Variants in METTL24 observed in about 807,000 individuals in gnomAD.
METTL24 encodes the protein methyltransferase like 24.
METTL24 carries 29 observed loss-of-function variants against 32.7 expected under a neutral mutation model. That is an observed-to-expected ratio of 0.89 (90% CI 0.66 to 1.21). METTL24 has a LOEUF of 1.21. Ranked by LOEUF, METTL24 falls within the 50% of genes most tolerant of loss-of-function variation. METTL24 has a pLI of 0.00. For missense variants in METTL24, 439 were observed against 468.1 expected (o/e 0.94, Z 0.57); for synonymous variants, 163 against 179.5 (o/e 0.91, Z 0.73).
intron 1 of METTL24, among the ~76,000 whole-genome samples, chr6:110,341,011 A>G (rs1168101793): frequency 6.7e-6 from 1 of 148,480 alleles, no homozygotes; most frequent in East Asian, 2.3e-4. Context: ...TTATTATTAA[A>G]ACTTTTTTTT....
chr6:110,292,465 G>A (rs146869716), intron 4 of METTL24, among the ~76,000 whole-genome samples: 1 of 151,426 alleles, frequency 6.6e-6, no homozygotes, highest in African/African-American at 2.4e-5. Context: ...CTCCTTTTCT[G>A]TGAACTGTTT....
At chr6:110,277,640 G>A (rs550576710) in intron 4 of METTL24, among the ~76,000 whole-genome samples, 1 of 152,240 alleles carries the variant, frequency 6.6e-6, no homozygotes, top group Non-Finnish European at 1.5e-5. Flanking sequence ...TCAGGAAAAC[G>A]TTATAGAAAT....
rs1778113739 is a variant in METTL24 at position 110,244,571 on chromosome 6, A to G, written c.*1375T>C. Among the ~76,000 whole-genome samples, 1 of 152,182 alleles carries G rather than the reference A, an allele frequency of 6.6e-6. No homozygotes were observed. The highest frequency in any genetic ancestry group is 2.4e-5 in the African/African-American group (1 of 41,454). On this transcript the variant is annotated 3_prime_UTR_variant, in exon 5 of 5. Transcript: ENST00000338882. ...TAGCATGGCTGGCGAGGCCTCAGGAAACTTACAGTCGTGGTGGAAGGGGAA... is the reference window on the plus strand; with the variant it reads ...TAGCATGGCTGGCGAGGCCTCAGGAGACTTACAGTCGTGGTGGAAGGGGAA...
At position 110,247,338 on chromosome 6, in the gene METTL24, CAG is replaced by C. The variant is rs139953023; in HGVS notation, c.787-1080_787-1079del. Among the ~76,000 whole-genome samples the C allele has an allele frequency of 7.6e-3, 1,159 of 152,280 alleles. 8 individuals are homozygous for C. The highest frequency in any genetic ancestry group is 0.027 in the African/African-American group (1,107 of 41,556). ...TAGAGAGGCAGTGATGAACTCTGAA[CAG>C]AGTCTGTCTACAGAGCCTGTGTTCT... On this transcript the variant is annotated intron_variant, in intron 4 of 4. Coordinates refer to ENST00000338882, the MANE Select transcript of METTL24 (RefSeq NM_001123364.3).
At chr6:110,317,033 C>T (rs1399526410) in intron 2 of METTL24, among the ~76,000 whole-genome samples, 1 of 152,224 alleles carries the variant, frequency 6.6e-6, no homozygotes, top group Non-Finnish European at 1.5e-5. Context: ...ATCTGCATTA[C>T]TCTTGCTATC....
intron 1 of METTL24, among the ~76,000 whole-genome samples, chr6:110,355,406 G>C (rs781755740): frequency 3.3e-5 from 5 of 152,198 alleles, no homozygotes; most frequent in Non-Finnish European, 5.9e-5. Context: ...ACTGTAGAAA[G>C]TAAAGCTACC....
At chr6:110,252,173 T>C (rs1401040178) in intron 4 of METTL24, among the ~76,000 whole-genome samples, 2 of 152,088 alleles carry the variant, frequency 1.3e-5, no homozygotes, top group Non-Finnish European at 2.9e-5. Context: ...ACCTGCTGCA[T>C]TGGGATTCAG....
At chr6:110,246,312 T>C (rs1475876745) in intron 4 of METTL24, 52 bp from the exon 5 acceptor site, 2 of 1,458,764 alleles carry the variant, frequency 1.4e-6, no homozygotes, top group African/African-American at 2.8e-5. Context: ...ACTATCTTGA[T>C]ATCAGGAGTT....
chr6:110,304,536 T>C (rs1186519088), intron 3 of METTL24, among the ~76,000 whole-genome samples: 1 of 151,962 alleles, frequency 6.6e-6, no homozygotes, highest in Non-Finnish European at 1.5e-5. Context: ...CAAATATCAA[T>C]AGCTGAATCA....
chr6:110,261,167 C>T (rs1314260125), intron 4 of METTL24, among the ~76,000 whole-genome samples: 9 of 152,110 alleles, frequency 5.9e-5, no homozygotes, highest in Admixed American at 5.2e-4. Context: ...AAGACACAGA[C>T]TTGGCAAATT....
chr6:110,356,426 C>T (rs1039097795), intron 1 of METTL24, among the ~76,000 whole-genome samples: 5 of 151,832 alleles, frequency 3.3e-5, no homozygotes, highest in Admixed American at 6.6e-5. Context: ...CTGGGCGACA[C>T]AGCAAGACTC....
At chr6:110,246,496 C>T (rs1393688936) in intron 4 of METTL24, among the ~76,000 whole-genome samples, 2 of 152,176 alleles carry the variant, frequency 1.3e-5, no homozygotes, top group African/African-American at 4.8e-5. Flanking sequence ...GTTGCCTAGG[C>T]TGGTATAAAA....
intron 1 of METTL24, among the ~76,000 whole-genome samples, chr6:110,340,227 G>C (rs1772325685): frequency 6.6e-6 from 1 of 151,860 alleles, no homozygotes; most frequent in South Asian, 2.1e-4. Flanking sequence ...GTTGCTGAGG[G>C]GCAGGGGCAT....
intron 1 of METTL24, among the ~76,000 whole-genome samples, chr6:110,350,965 G>A (rs1173989101): frequency 6.6e-6 from 1 of 151,978 alleles, no homozygotes; most frequent in Non-Finnish European, 1.5e-5. Flanking sequence ...AAAATTAGCT[G>A]GGCGTGGTGG....
chr6:110,330,809 G>A (rs1002606188), intron 1 of METTL24, among the ~76,000 whole-genome samples: 1 of 152,070 alleles, frequency 6.6e-6, no homozygotes, highest in Non-Finnish European at 1.5e-5. Flanking sequence ...CAAATATATC[G>A]ACATTATCCA....
chr6:110,330,429 T>C lies in METTL24; in HGVS notation c.319-7557A>G, dbSNP rs187754550. On this transcript the variant is annotated intron_variant, in intron 1 of 4. Transcript: ENST00000338882. ...GGTAAAAGCCCAAACTTTCTGGTCA[T>C]AGATTCAAAAACCGTAGGGAACTGG... Among the ~76,000 whole-genome samples the C allele has an allele frequency of 1.9e-3, 289 of 152,266 alleles. 1 individual carries two copies. The highest frequency in any genetic ancestry group is 6.7e-3 in the African/African-American group (277 of 41,562).
At chr6:110,279,848 T>C (rs1474105062) in intron 4 of METTL24, among the ~76,000 whole-genome samples, 1 of 152,110 alleles carries the variant, frequency 6.6e-6, no homozygotes, top group Non-Finnish European at 1.5e-5. Flanking sequence ...GAAACTGCAC[T>C]GTGTATAAAG....
In METTL24 at chr6:110,330,229, C is replaced by T. The variant is rs183402118; in HGVS notation, c.319-7357G>A. Among the ~76,000 whole-genome samples the T allele has an allele frequency of 2.5e-3, 380 of 152,274 alleles. 3 individuals are homozygous for T. The highest frequency in any genetic ancestry group is 8.0e-3 in the African/African-American group (334 of 41,558). ...AAGATGGTAGAAGCCACAGTGGGGG[C>T]CTGAAGGCACCTAGAACTCTGCGAA... On this transcript the variant is annotated intron_variant, in intron 1 of 4. Transcript: ENST00000338882.
At chr6:110,321,958 C>T (rs1394531973) in intron 2 of METTL24, among the ~76,000 whole-genome samples, 6 of 152,196 alleles carry the variant, frequency 3.9e-5, no homozygotes, top group Non-Finnish European at 8.8e-5. Context: ...CTCCACTGTG[C>T]AGCTTCCTGA....
Sources: allele counts gnomAD v4.1 joint callset (sites outside exome capture counted in the v4.1 genomes callset), GRCh38; gene constraint gnomAD v4.1.1; transcripts MANE v1.5; gene names NCBI Gene and HGNC (gene_info 2026-07-23, HGNC 2026-07-21).